The following SPRY4 variants were observed in gnomAD, a reference collection of about 807,000 sequenced individuals.
SPRY4 encodes protein sprouty homolog 4.
A neutral mutation model predicts 17.0 loss-of-function variants in SPRY4; 7 were observed. The ratio of observed to expected loss-of-function variants is 0.41; its 90% CI spans 0.23 to 0.77. The LOEUF is 0.77. Ranked by LOEUF, SPRY4 falls within the 30% of genes least tolerant of loss-of-function variation. The probability of loss-of-function intolerance (pLI) is 0.32; values close to 1 mark genes in which losing one functional copy is unlikely to be tolerated. For synonymous variants in SPRY4, 183 were observed against 174.1 expected (o/e 1.05, Z -0.40); for missense variants, 435 against 419.9 (o/e 1.04, Z -0.31).
chr5:142,323,033 C>G (rs1216625609), intron 1 of SPRY4, among the ~76,000 whole-genome samples: 1 of 141,528 alleles, frequency 7.1e-6, no homozygotes, highest in Non-Finnish European at 1.6e-5. Flanking sequence ...TCTCCTGACA[C>G]CCGCCCTAAA....
At chr5:142,322,936 A>G (rs1759396640) in intron 1 of SPRY4, among the ~76,000 whole-genome samples, 1 of 152,006 alleles carries the variant, frequency 6.6e-6, no homozygotes, top group South Asian at 2.1e-4. Flanking sequence ...CACACTGGAC[A>G]TCTCCACTAG....
rs1210675209 is a variant in SPRY4, at chr5:142,311,794, G to C, written c.*2415C>G. 6.5e-6 allele frequency: 1 copy of C among 152,748 alleles called. No individual in the cohort carries two copies. Among genetic ancestry groups the C allele is most frequent in the Non-Finnish European group, 1.5e-5 (1 of 68,226 alleles). The allele number at this position is 152,748 out of a possible 1,614,324, so 9.5% of individuals were successfully genotyped here. On this transcript the variant is annotated 3_prime_UTR_variant, in exon 2 of 2. Transcript: ENST00000434127. ...AAACCAAGAAGAACAAGCTAGAACA[G>C]GGGCAGGGGGAAAAAAGGAAAAAGC...
chr5:142,314,344 G>A lies in SPRY4; in HGVS notation c.765C>T (p.Thr255=), dbSNP rs762439277. 17 of 1,614,052 alleles carry A rather than the reference G, an allele frequency of 1.1e-5. No individual in the cohort carries two copies. The highest frequency in any genetic ancestry group is 1.2e-5 in the Non-Finnish European group (14 of 1,179,974). ...LPCLLCYLPA[T]GCVKLAQRGY... is the part of the protein sequence containing the mutation. Reference sequence around the variant, plus strand: ...CACGCTGGGCCAGCTTCACGCAGCCGGTGGCAGGCAGGTAGCAGAGCAGGC... The same window carrying A: ...CACGCTGGGCCAGCTTCACGCAGCCAGTGGCAGGCAGGTAGCAGAGCAGGC... The change falls in exon 2 of 2, where the codon ACC becomes ACT. Residue 255 remains threonine, a synonymous_variant. Coordinates refer to ENST00000434127, the MANE Select transcript of SPRY4 (RefSeq NM_001127496.3). The surrounding 1 kb of genome is among the most constrained non-coding windows in gnomAD (Gnocchi z 4.8).
chr5:142,321,278 C>G (rs897717207), intron 1 of SPRY4, among the ~76,000 whole-genome samples: 1 of 152,226 alleles, frequency 6.6e-6, no homozygotes, highest in African/African-American at 2.4e-5. Context: ...TCACTAGCAG[C>G]TCTGCTGGCC....
At chr5:142,317,040 T>C (rs762895750) in intron 1 of SPRY4, 56 of 985,374 alleles carry the variant, frequency 5.7e-5, no homozygotes, top group Non-Finnish European at 1.9e-5. Flanking sequence ...GAATTGGCGA[T>C]TTCCTTGTGG....
intron 1 of SPRY4, chr5:142,318,066 G>A (rs1283909628): frequency 1.0e-6 from 1 of 985,170 alleles, no homozygotes; most frequent in South Asian, 4.7e-5. Context: ...TCACCAGCAG[G>A]GACCCTCCAA....
chr5:142,319,856 C>G, intron 1 of SPRY4: 1 of 1,488,892 alleles, frequency 6.7e-7, no homozygotes, highest in Non-Finnish European at 9.1e-7. Flanking sequence ...CTAATCCCAC[C>G]CACCCACACC....
rs1759160651 is a variant in SPRY4 at position 142,316,585 on chromosome 5, T to C, written c.-47-1430A>G. On this transcript the variant is annotated intron_variant, in intron 1 of 1. Transcript: ENST00000434127. ...AACCAAAAAAAGGCCATTGCATTAATGTATTATGGGGTGGGGTTTTAGTAA... is the reference window on the plus strand; with the variant it reads ...AACCAAAAAAAGGCCATTGCATTAACGTATTATGGGGTGGGGTTTTAGTAA... Among the ~76,000 whole-genome samples the C allele has an allele frequency of 2.0e-5, 3 of 152,156 alleles. No homozygotes were observed. The South Asian group carries it at 6.2e-4, about 32-fold the overall frequency.
chr5:142,317,980 C>A (rs987798590), intron 1 of SPRY4: 12 of 985,212 alleles, frequency 1.2e-5, no homozygotes, highest in Non-Finnish European at 1.4e-5. Context: ...CCTATTATAA[C>A]CCCGATGTAG....
At chr5:142,317,396 T>C (rs1759190412) in intron 1 of SPRY4, 3 of 985,238 alleles carry the variant, frequency 3.0e-6, no homozygotes, top group South Asian at 9.4e-5. Context: ...ACGGATAAGA[T>C]TCTCCAGCAC....
In SPRY4 at chr5:142,314,357, T is replaced by C. The variant is rs755349527; in HGVS notation, c.752A>G (p.Tyr251Cys). ...LSVVLPCLLC[Y>C]LPATGCVKLA... ...CTTCACGCAGCCGGTGGCAGGCAGG[T>C]AGCAGAGCAGGCAGGGCAGCACCAC... Residue 251 changes from tyrosine (Y) to cysteine (C), a missense_variant, in exon 2 of 2, where the codon TAC becomes TGC. Coordinates refer to ENST00000434127, the MANE Select transcript of SPRY4 (RefSeq NM_001127496.3). The surrounding 1 kb of genome is among the most constrained non-coding windows in gnomAD (Gnocchi z 4.8). The C allele has an allele frequency of 6.2e-7, 1 of 1,613,956 alleles. No homozygotes were observed. The highest frequency in any genetic ancestry group is 1.1e-5 in the South Asian group (1 of 91,072).
Position 142,314,029 on chromosome 5 carries a change from C to A in SPRY4, c.*180G>T, listed in dbSNP as rs1759029115. ...AAGCCCCAAAGTGCTTCTTCATCAC[C>A]TTGGGGAATACAGGGTACGTGGTGG... On this transcript the variant is annotated 3_prime_UTR_variant, in exon 2 of 2. Transcript: ENST00000434127. This position sits in a 1 kb window ranked among gnomAD's most constrained non-coding sequence, Gnocchi z 4.8. 4.5e-6 allele frequency: 3 copies of A among 663,546 alleles called. No homozygotes were observed. The highest frequency in any genetic ancestry group is 2.5e-6 in the Non-Finnish European group (1 of 399,504). The allele number at this position is 663,546 out of a possible 1,614,324, so 41.1% of individuals were successfully genotyped here.
At chr5:142,322,482 A>AAAC (rs1759376353) in intron 1 of SPRY4, among the ~76,000 whole-genome samples, 1 of 129,724 alleles carries the variant, frequency 7.7e-6, no homozygotes, top group African/African-American at 2.6e-5. Flanking sequence ...GAAAAAAAAA[A>AAAC]AATATATATA....
chr5:142,322,483 A>AAAATATAT (rs79291595), intron 1 of SPRY4, among the ~76,000 whole-genome samples: 75 of 117,540 alleles, frequency 6.4e-4, no homozygotes, highest in African/African-American at 1.8e-3. Context: ...AAAAAAAAAA[A>AAAATATAT]ATATATATAT....
Position 142,314,337 on chromosome 5 carries a change from C to T in SPRY4, c.772G>A (p.Val258Met), listed in dbSNP as rs200364529. The change falls in exon 2 of 2, where the codon GTG (valine) becomes ATG (methionine). Residue 258 changes from valine to methionine, a missense_variant. Val to Met is a conservative substitution (Grantham distance 21). Coordinates refer to ENST00000434127, the MANE Select transcript of SPRY4 (RefSeq NM_001127496.3). This position sits in a 1 kb window ranked among gnomAD's most constrained non-coding sequence, Gnocchi z 4.8. ...LLCYLPATGC[V>M]KLAQRGYDRL... ...TCGTAGCCACGCTGGGCCAGCTTCA[C>T]GCAGCCGGTGGCAGGCAGGTAGCAG... 787 of 1,614,048 alleles carry T rather than the reference C, an allele frequency of 4.9e-4. No homozygotes were observed. The highest frequency in any genetic ancestry group is 6.3e-4 in the Non-Finnish European group (745 of 1,179,986).
At chr5:142,317,263 C>T (rs1050265951) in intron 1 of SPRY4, 1 of 985,436 alleles carries the variant, frequency 1.0e-6, no homozygotes, top group South Asian at 4.7e-5. Flanking sequence ...ATAGGTGTTC[C>T]AAAGCCTTGC....
intron 1 of SPRY4, among the ~76,000 whole-genome samples, chr5:142,318,921 A>G (rs189964349): frequency 9.2e-5 from 14 of 152,302 alleles, no homozygotes; most frequent in Admixed American, 3.9e-4. Flanking sequence ...CTCCGTGCTA[A>G]GCCCTCAGTG....
rs1002270749 is a variant in SPRY4 at position 142,313,137 on chromosome 5, CTTG to C, written c.*1069_*1071del. 1 of 152,562 alleles carries C rather than the reference CTTG, an allele frequency of 6.6e-6. No homozygotes were observed. Among genetic ancestry groups the C allele is most frequent in the Non-Finnish European group, 1.5e-5 (1 of 68,040 alleles). The allele number at this position is 152,562 out of a possible 1,614,324, so 9.5% of individuals were successfully genotyped here. ...CTCTCTTCTTTGCTGTTAAAATCCTCTTGTTGATAGGGAGGGAAATTGTGTTCC... is the reference window on the plus strand; with the variant it reads ...CTCTCTTCTTTGCTGTTAAAATCCTCTTGATAGGGAGGGAAATTGTGTTCC... On this transcript the variant is annotated 3_prime_UTR_variant, in exon 2 of 2. Transcript: ENST00000434127.
At chr5:142,315,287 C>A in intron 1 of SPRY4, 132 bp from the exon 2 acceptor site, 1 of 610,964 alleles carries the variant, frequency 1.6e-6, no homozygotes, top group Non-Finnish European at 2.9e-6. Context: ...CCTCTGTGGA[C>A]TTTCCAGTGA....
Sources: allele counts gnomAD v4.1 joint callset (sites outside exome capture counted in the v4.1 genomes callset), GRCh38; gene constraint gnomAD v4.1.1; non-coding constraint Gnocchi (gnomAD v3.1); transcripts MANE v1.5; gene names NCBI Gene and HGNC (gene_info 2026-07-23, HGNC 2026-07-21).